TEX10: variants seen among roughly 807,000 people sequenced by gnomAD.
TEX10 encodes the protein testis-expressed protein 10.
TEX10 carries 24 observed loss-of-function variants against 104.4 expected under a neutral mutation model. The ratio of observed to expected loss-of-function variants is 0.23; its 90% CI spans 0.17 to 0.32. The LOEUF (loss-of-function observed/expected upper bound fraction) is 0.32, where lower values mean the gene tolerates loss of function less well. TEX10 is among the 10% of genes least tolerant of loss of function. TEX10 has a pLI of 1.00. For missense variants in TEX10, 921 were observed against 1,083.9 expected (o/e 0.85, Z 2.11); for synonymous variants, 396 against 393.4 (o/e 1.01, Z -0.08).
At chr9:100,330,518 T>A (rs1202811403) in intron 5 of TEX10, among the ~76,000 whole-genome samples, 2 of 152,228 alleles carry the variant, frequency 1.3e-5, no homozygotes, top group Non-Finnish European at 2.9e-5. Context: ...TATATTTGGA[T>A]GGAAATCACA....
At chr9:100,303,252 T>C (rs937617077) in intron 14 of TEX10, among the ~76,000 whole-genome samples, 2 of 152,106 alleles carry the variant, frequency 1.3e-5, no homozygotes, top group African/African-American at 2.4e-5. Flanking sequence ...GAAAACAAGC[T>C]TGGATAGGTA....
At chr9:100,336,348 T>C (rs976698824) in intron 5 of TEX10, among the ~76,000 whole-genome samples, 1 of 152,034 alleles carries the variant, frequency 6.6e-6, no homozygotes, top group African/African-American at 2.4e-5. Flanking sequence ...CAAATGAAGA[T>C]TGTTCTGTAT....
chr9:100,312,899 T>C (rs1834314699), intron 11 of TEX10, among the ~76,000 whole-genome samples: 1 of 152,172 alleles, frequency 6.6e-6, no homozygotes, highest in African/African-American at 2.4e-5. Flanking sequence ...ACCCTAGCAT[T>C]GTGACCAGAG....
At chr9:100,303,196 C>A (rs530923357) in intron 14 of TEX10, among the ~76,000 whole-genome samples, 4 of 152,152 alleles carry the variant, frequency 2.6e-5, no homozygotes, top group African/African-American at 9.6e-5. Context: ...CTTTAATGAT[C>A]ACCAAAACAC....
chr9:100,326,441 A>C lies in TEX10; in HGVS notation c.1840T>G (p.Ser614Ala). Residue 614 changes from serine to alanine, a missense_variant, in exon 9 of 15, where the codon TCT becomes GCT. Transcript: ENST00000374902. ...EGAVVVLPAD[S>A]QQRLVQLVYF... is the part of the protein sequence containing the mutation. ...ACAAGCTGAACCAAACGCTGCTGAG[A>C]GTCTGCAGGGAGAACCACCACAGCA... 1 of 1,614,048 alleles carries C rather than the reference A, an allele frequency of 6.2e-7. No individual in the cohort carries two copies. The highest frequency in any genetic ancestry group is 8.5e-7 in the Non-Finnish European group (1 of 1,179,976).
intron 13 of TEX10, chr9:100,306,182 A>T (rs1834138903): frequency 6.6e-6 from 1 of 152,208 alleles, no homozygotes; most frequent in Non-Finnish European, 1.5e-5. Context: ...GATTTTTAAG[A>T]GACGAAGACA....
chr9:100,348,240 T>C (rs1473765680), intron 2 of TEX10, among the ~76,000 whole-genome samples: 1 of 152,170 alleles, frequency 6.6e-6, no homozygotes, highest in Non-Finnish European at 1.5e-5. Context: ...ATATCAGAGG[T>C]AGATTAGTGA....
intron 9 of TEX10, among the ~76,000 whole-genome samples, chr9:100,322,489 C>T (rs1198624914): frequency 6.6e-6 from 1 of 152,140 alleles, no homozygotes; most frequent in Non-Finnish European, 1.5e-5. Context: ...AATAATCAGA[C>T]AAACTTATAC....
At chr9:100,337,725 G>A (rs554374662) in intron 5 of TEX10, among the ~76,000 whole-genome samples, 16 of 152,204 alleles carry the variant, frequency 1.1e-4, no homozygotes, top group Non-Finnish European at 1.6e-4. Context: ...CCAGATCCAC[G>A]CTCTCCATCC....
At position 100,337,661 on chromosome 9, in the gene TEX10, G is replaced by C. The variant is rs534142671; in HGVS notation, c.1250+2596C>G. Among the ~76,000 whole-genome samples the C allele has an allele frequency of 2.6e-5, 4 of 152,332 alleles. No homozygotes were observed. In the East Asian group the frequency reaches 7.7e-4, roughly 29 times the overall value. ...AAGGATCTGAAAGATGAACTCCTGAGTCAAGAAACGGCTTCCACATCAAGG... is the reference window on the plus strand; with the variant it reads ...AAGGATCTGAAAGATGAACTCCTGACTCAAGAAACGGCTTCCACATCAAGG... On this transcript the variant is annotated intron_variant, in intron 5 of 14. Transcript: ENST00000374902.
At chr9:100,351,949 A>G (rs1421006251) in intron 1 of TEX10, among the ~76,000 whole-genome samples, 2 of 152,210 alleles carry the variant, frequency 1.3e-5, no homozygotes, top group Admixed American at 1.3e-4. Flanking sequence ...AGGAGCTCAC[A>G]TCACTAGTCC....
chr9:100,346,182 G>C lies in TEX10; in HGVS notation c.1027C>G (p.Pro343Ala). 6.2e-7 allele frequency: 1 copy of C among 1,614,022 alleles called. No individual in the cohort carries two copies. Among genetic ancestry groups the C allele is most frequent in the South Asian group, 1.1e-5 (1 of 91,076 alleles). The change falls in exon 4 of 15, where the codon CCT becomes GCT. Residue 343 changes from proline to alanine, a missense_variant. By Grantham distance (27) the Pro-to-Ala change is conservative (BLOSUM62 -1). Transcript: ENST00000374902. ...VEAVPPQLAT[P>A]VGNGIEREPL... is the part of the protein sequence containing the mutation. ...TCTCGTTCTATACCATTCCCAACAG[G>C]AGTAGCTAGTTGTGGAGGTACAGCT...
At chr9:100,315,303 T>C (rs1409418996) in intron 11 of TEX10, among the ~76,000 whole-genome samples, 3 of 152,154 alleles carry the variant, frequency 2.0e-5, no homozygotes, top group Non-Finnish European at 4.4e-5. Context: ...TTAAGTCTGA[T>C]GTTTCTTTGT....
intron 9 of TEX10, among the ~76,000 whole-genome samples, chr9:100,325,967 G>C (rs1834696383): frequency 6.6e-6 from 1 of 152,138 alleles, no homozygotes; most frequent in Non-Finnish European, 1.5e-5. Context: ...ATTAAATTCT[G>C]AGCTCTCTGA....
intron 12 of TEX10, among the ~76,000 whole-genome samples, chr9:100,309,317 A>G (rs992829866): frequency 6.6e-6 from 1 of 152,222 alleles, no homozygotes; most frequent in African/African-American, 2.4e-5. Context: ...GGTAGAGTCT[A>G]ACTTGTAACT....
intron 5 of TEX10, among the ~76,000 whole-genome samples, chr9:100,334,631 T>C (rs1407675993): frequency 6.6e-6 from 1 of 151,766 alleles, no homozygotes; most frequent in East Asian, 1.9e-4. Context: ...ACAAATGCCA[T>C]TTGTTTTCCT....
At chr9:100,329,481 C>T (rs1235383261) in intron 6 of TEX10, among the ~76,000 whole-genome samples, 4 of 152,060 alleles carry the variant, frequency 2.6e-5, no homozygotes, top group Non-Finnish European at 4.4e-5. Context: ...ATTTTCTTAA[C>T]AACAAACCTA....
At position 100,326,417 on chromosome 9, in the gene TEX10, C is replaced by T. The variant is rs773813464; in HGVS notation, c.1864G>A (p.Val622Ile). Residue 622 changes from valine to isoleucine, a missense_variant, in exon 9 of 15, where the codon GTA becomes ATA. Physicochemically the swap from Val to Ile is conservative, Grantham distance 29. Around this residue, in one of 3 missense-constraint regions of TEX10, gnomAD observed 753 missense variants for 868.4 expected, o/e 0.87. Coordinates refer to ENST00000374902, the MANE Select transcript of TEX10 (RefSeq NM_017746.4). ...ADSQQRLVQL[V>I]YFLPSLPADL... Reference sequence around the variant, plus strand: ...GCCGGCAGACTGGGTAGGAAATATACAAGCTGAACCAAACGCTGCTGAGAG... The same window carrying T: ...GCCGGCAGACTGGGTAGGAAATATATAAGCTGAACCAAACGCTGCTGAGAG... 1 of 1,613,668 alleles carries T rather than the reference C, an allele frequency of 6.2e-7. No individual in the cohort carries two copies. The highest frequency in any genetic ancestry group is 2.2e-5 in the East Asian group (1 of 44,868).
chr9:100,310,503 G>T, intron 11 of TEX10, 124 bp from the exon 12 acceptor site: 2 of 851,806 alleles, frequency 2.3e-6, no homozygotes, highest in Non-Finnish European at 3.6e-6. Flanking sequence ...CAGTGATGCA[G>T]TCTCAGCTCA....
Sources: allele counts gnomAD v4.1 joint callset (sites outside exome capture counted in the v4.1 genomes callset), GRCh38; gene constraint gnomAD v4.1.1; regional missense constraint gnomAD v4.1.1; transcripts MANE v1.5; gene names NCBI Gene and HGNC (gene_info 2026-07-23, HGNC 2026-07-21).